The following CLASP2 variants were observed in gnomAD, a reference collection of about 807,000 sequenced individuals.
CLASP2 encodes the protein CLIP-associating protein 2.
A neutral mutation model predicts 194.4 loss-of-function variants in CLASP2; 47 were observed. That is an observed-to-expected ratio of 0.24 (90% CI 0.19 to 0.31). The LOEUF is 0.31. CLASP2 is among the 10% of genes least tolerant of loss of function. The pLI is 1.00. For missense variants in CLASP2, 1,445 were observed against 1,823.6 expected, an observed-to-expected ratio of 0.79 and a Z score of 3.78; for synonymous variants, 619 against 633.5, an observed-to-expected ratio of 0.98 and a Z score of 0.34.
intron 33 of CLASP2, 128 bp downstream of exon 33, chr3:33,538,661 G>A (rs2057822146): frequency 2.9e-6 from 2 of 698,652 alleles, no homozygotes; most frequent in Non-Finnish European, 4.4e-6. Context: ...TAGATACTCA[G>A]TAAATACTTG....
chr3:33,638,603 G>A (rs2080676936), intron 8 of CLASP2, among the ~76,000 whole-genome samples: 1 of 152,110 alleles, frequency 6.6e-6, no homozygotes, highest in African/African-American at 2.4e-5. Context: ...ACCACACCCG[G>A]CCTCAATTCT....
At chr3:33,631,918 A>G (rs569508161) in intron 9 of CLASP2, among the ~76,000 whole-genome samples, 27 of 152,276 alleles carry the variant, frequency 1.8e-4, no homozygotes, top group African/African-American at 6.3e-4. Flanking sequence ...ATTTATGTGT[A>G]TTTTTAAGTC....
chr3:33,714,812 T>C (rs1016380693), intron 1 of CLASP2, among the ~76,000 whole-genome samples: 1 of 152,166 alleles, frequency 6.6e-6, no homozygotes, highest in African/African-American at 2.4e-5. Context: ...TGGCCTCAAG[T>C]GAGCCTTCTG....
chr3:33,548,320 CAG>C (rs1384655373), intron 30 of CLASP2, among the ~76,000 whole-genome samples: 2 of 151,636 alleles, frequency 1.3e-5, no homozygotes, highest in East Asian at 1.9e-4. Context: ...TTTTTTGAGA[CAG>C]AGTCTCCCTC....
chr3:33,617,634 C>T (rs1406739091), intron 12 of CLASP2, among the ~76,000 whole-genome samples: 2 of 151,872 alleles, frequency 1.3e-5, no homozygotes, highest in African/African-American at 4.8e-5. Flanking sequence ...GAAGCAATGT[C>T]AGACTGTAGA....
chr3:33,504,277 T>A (rs938962045), intron 37 of CLASP2: 8 of 152,218 alleles, frequency 5.3e-5, no homozygotes, highest in African/African-American at 1.9e-4. Context: ...TCTAAGGTCA[T>A]AAAGATTTAT....
chr3:33,663,864 T>A (rs2085723163), intron 6 of CLASP2, among the ~76,000 whole-genome samples: 1 of 152,144 alleles, frequency 6.6e-6, no homozygotes, highest in Non-Finnish European at 1.5e-5. Context: ...CACCAAGACA[T>A]CTTTTAAAGG....
At chr3:33,560,771 T>C (rs1235681628) in intron 28 of CLASP2, 37 bp downstream of exon 28, 40 of 1,574,862 alleles carry the variant, frequency 2.5e-5, no homozygotes, top group Non-Finnish European at 3.1e-5. Flanking sequence ...TCCTAGTTAT[T>C]ATCAGGTTAA....
At chr3:33,509,215 T>C (rs1393782084) in intron 37 of CLASP2, among the ~76,000 whole-genome samples, 1 of 152,368 alleles carries the variant, frequency 6.6e-6, no homozygotes. Flanking sequence ...ATCTATCTTA[T>C]CTATCTGATA....
intron 3 of CLASP2, 58 bp from the exon 4 acceptor site, chr3:33,688,426 C>A (rs1275759810): frequency 1.6e-6 from 2 of 1,237,048 alleles, no homozygotes; most frequent in South Asian, 1.4e-5. Flanking sequence ...ATGTTATAAT[C>A]TTTTATTTCT....
chr3:33,512,591 C>T (rs1244270664), intron 36 of CLASP2, among the ~76,000 whole-genome samples: 1 of 102,284 alleles, frequency 9.8e-6, no homozygotes, highest in Non-Finnish European at 2.0e-5. Flanking sequence ...AAAAAGAACA[C>T]GTAAAAATAA....
At position 33,606,712 on chromosome 3, in the gene CLASP2, A is replaced by G; in HGVS notation, c.1573T>C (p.Leu525=). 6.2e-7 allele frequency: 1 copy of G among 1,613,360 alleles called. No homozygotes were observed. The highest frequency in any genetic ancestry group is 1.1e-5 in the South Asian group (1 of 91,028). ...TAAGATGGCTCAAGGGAATTATATA[A>G]TGTTTCAGCTTCACCAGGAAAGTGG... ...RNHFPGEAET[L]YNSLEPSYQK... Residue 525 remains leucine (L), a synonymous_variant, in exon 16 of 39, where the codon TTA becomes CTA. Coordinates refer to ENST00000682230, the MANE Select transcript of CLASP2 (RefSeq NM_001365631.1).
intron 5 of CLASP2, among the ~76,000 whole-genome samples, chr3:33,685,596 T>C (rs2090561789): frequency 1.3e-5 from 2 of 152,110 alleles, no homozygotes; most frequent in African/African-American, 4.8e-5. Context: ...AAATGTGCTA[T>C]ATACACACGA....
chr3:33,587,179 G>A (rs2067592332), intron 21 of CLASP2, among the ~76,000 whole-genome samples: 1 of 151,652 alleles, frequency 6.6e-6, no homozygotes, highest in African/African-American at 2.4e-5. Context: ...AGGCTGGAGT[G>A]CAGTGGTGTG....
intron 1 of CLASP2, among the ~76,000 whole-genome samples, chr3:33,712,442 C>T (rs1047753219): frequency 1.1e-4 from 16 of 152,078 alleles, no homozygotes; most frequent in African/African-American, 3.9e-4. Context: ...TCTCAGAAAT[C>T]ACCAACAAAG....
Position 33,535,470 on chromosome 3 carries a change from G to A in CLASP2, c.3559-9C>T. 2 of 1,604,186 alleles carry A rather than the reference G, an allele frequency of 1.2e-6. No individual in the cohort carries two copies. The highest frequency in any genetic ancestry group is 1.7e-6 in the Non-Finnish European group (2 of 1,172,586). The stretch of plus-strand genomic sequence containing the variant: ...CCAGGACCACCACACATCTATCAAT[G>A]GGAAGTGAAAGCCACAGCAAATTAA... On this transcript the variant is annotated splice_polypyrimidine_tract_variant and intron_variant, in intron 33 of 38. Coordinates refer to ENST00000682230, the MANE Select transcript of CLASP2 (RefSeq NM_001365631.1).
Position 33,581,921 on chromosome 3 carries a change from G to T in CLASP2, c.2247C>A (p.Ser749Arg). 6.2e-7 allele frequency: 1 copy of T among 1,611,970 alleles called. No individual in the cohort carries two copies. Among genetic ancestry groups the T allele is most frequent in the South Asian group, 1.1e-5 (1 of 90,782 alleles). Residue 749 changes from serine to arginine, a missense_variant, in exon 23 of 39, where the codon AGC becomes AGA. Physicochemically the swap from Ser to Arg is moderately radical, Grantham distance 110 (BLOSUM62 -1). Around this residue, in one of 4 missense-constraint regions of CLASP2, gnomAD observed 732 missense variants for 987.9 expected, o/e 0.74. Transcript: ENST00000682230. ...ASPSRLSVAR[S>R]SRIPRPSVSQ... The stretch of plus-strand genomic sequence containing the variant: ...TCACACTTGGTCGAGGAATACGACT[G>T]CTTCGGGCTGGTGTGAAGCAACAGC...
rs910878140 is a variant in CLASP2 at position 33,602,477 on chromosome 3, A to C, written c.1924+475T>G. 2.2e-5 allele frequency: 16 copies of C among 721,824 alleles called. No homozygotes were observed. The Admixed American group carries it at 2.5e-4, about 11-fold the overall frequency. 44.7% of individuals were successfully genotyped at this position (721,824 alleles called of 1,614,324 possible). ...CAACGTCAACTTTTTAATTTGATAG[A>C]CATAAAAACATGAAGAAATCAAACT... On this transcript the variant is annotated intron_variant, in intron 18 of 38. Coordinates refer to ENST00000682230, the MANE Select transcript of CLASP2 (RefSeq NM_001365631.1).
chr3:33,665,556 A>C (rs1031383704), intron 6 of CLASP2, among the ~76,000 whole-genome samples: 44 of 152,058 alleles, frequency 2.9e-4, no homozygotes, highest in African/African-American at 1.1e-3. Flanking sequence ...CTCTCTTCTC[A>C]GTCACTCTTT....
Sources: allele counts gnomAD v4.1 joint callset (sites outside exome capture counted in the v4.1 genomes callset), GRCh38; gene constraint gnomAD v4.1.1; regional missense constraint gnomAD v4.1.1; transcripts MANE v1.5; gene names NCBI Gene and HGNC (gene_info 2026-07-23, HGNC 2026-07-21).